Variants in CSMD1 observed in about 807,000 individuals in gnomAD.
The protein encoded by CSMD1 is CUB and Sushi multiple domains 1.
In CSMD1, 213 loss-of-function variants were observed where a neutral mutation model predicts 417.5. That is an observed-to-expected ratio of 0.51 (90% confidence interval 0.46 to 0.57). The LOEUF is 0.57. CSMD1 is among the 20% of genes least tolerant of loss of function. CSMD1 has a pLI of 0.00. For missense variants in CSMD1, 6,923 were observed against 4,529.7 expected (o/e 1.53, Z -15.17); for synonymous variants, 2,862 against 1,736.8 (o/e 1.65, Z -16.11).
At chr8:4,121,447 C>A (rs1802482710) in intron 3 of CSMD1, among the ~76,000 whole-genome samples, 1 of 152,144 alleles carries the variant, frequency 6.6e-6, no homozygotes, top group African/African-American at 2.4e-5. Flanking sequence ...CCACACCGGT[C>A]AAGGGCTTCT....
At chr8:4,766,398 C>G (rs1198180025) in intron 1 of CSMD1, among the ~76,000 whole-genome samples, 2 of 152,160 alleles carry the variant, frequency 1.3e-5, no homozygotes, top group Non-Finnish European at 2.9e-5. Context: ...AGAACATCGT[C>G]CAAAGCCGTG....
chr8:3,875,956 G>C (rs1371227206), intron 5 of CSMD1, among the ~76,000 whole-genome samples: 2 of 151,754 alleles, frequency 1.3e-5, no homozygotes, highest in African/African-American at 2.4e-5. Context: ...CAAATTTATG[G>C]AGTAACTGTA....
rs992913896 is a variant in CSMD1, at chr8:4,196,608, A to G, written c.416-164509T>C. Among the ~76,000 whole-genome samples, 16 of 152,248 alleles carry G rather than the reference A, an allele frequency of 1.1e-4. No individual in the cohort carries two copies. In the East Asian group the frequency reaches 1.9e-3, roughly 18 times the overall value. ...CTCTGGGGTCATAGCCTTCTTTGTG[A>G]ATCTTCAAGGCCAGCAATGCTGGGT... is the stretch of plus-strand genomic sequence containing the variant. On this transcript the variant is annotated intron_variant, in intron 3 of 69. Coordinates refer to ENST00000635120, the MANE Select transcript of CSMD1 (RefSeq NM_033225.6).
chr8:4,781,860 G>A (rs1047574229), intron 1 of CSMD1, among the ~76,000 whole-genome samples: 16 of 152,106 alleles, frequency 1.1e-4, no homozygotes, highest in Admixed American at 7.2e-4. Context: ...TTTACATATC[G>A]AGAGGGTCAG....
At chr8:4,430,626 CTCTTT>C (rs976170496) in intron 2 of CSMD1, among the ~76,000 whole-genome samples, 1 of 151,932 alleles carries the variant, frequency 6.6e-6, no homozygotes, top group Non-Finnish European at 1.5e-5. Context: ...TCAACTGATC[CTCTTT>C]TTTTTAATCA....
At chr8:3,182,577 G>GCT (rs1821406620) in intron 36 of CSMD1, among the ~76,000 whole-genome samples, 1 of 110,142 alleles carries the variant, frequency 9.1e-6, no homozygotes, top group Non-Finnish European at 1.8e-5. Context: ...TTTATAAGAA[G>GCT]CTGTGTGTGT....
intron 3 of CSMD1, among the ~76,000 whole-genome samples, chr8:4,303,508 G>C (rs4641088): frequency 0.77 from 109,539 of 142,314 alleles, 41,851 homozygotes; most frequent in East Asian, 0.86. Context: ...ACCATCTCTA[G>C]CACGTCTATA....
intron 6 of CSMD1, among the ~76,000 whole-genome samples, chr8:3,723,069 T>TA (rs1802279466): frequency 6.6e-6 from 1 of 152,152 alleles, no homozygotes; most frequent in African/African-American, 2.4e-5. Context: ...TTTCTTCTCT[T>TA]AGAGTCCTAA....
chr8:4,839,618 C>T (rs1866283), intron 1 of CSMD1, among the ~76,000 whole-genome samples: 72,684 of 151,932 alleles, frequency 0.48, 18,533 homozygotes, highest in East Asian at 0.7. Context: ...TAATACTTCA[C>T]TTAAGAAGAA....
Position 3,205,440 on chromosome 8 carries a change from T to C in CSMD1, c.4984+64A>G, listed in dbSNP as rs531455301. 14 of 833,890 alleles carry C rather than the reference T, an allele frequency of 1.7e-5. No homozygotes were observed. The African/African-American group carries it at 1.9e-4, about 11-fold the overall frequency. 51.7% of individuals were successfully genotyped at this position (833,890 alleles called of 1,614,324 possible). On this transcript the variant is annotated intron_variant, in intron 31 of 69. Coordinates refer to ENST00000635120, the MANE Select transcript of CSMD1 (RefSeq NM_033225.6). ...AGCTCTAGCATACTTGTTTATCAAA[T>C]GACAGAAAAATTAACACTGAAAGGA...
At chr8:3,799,405 C>A (rs1209825240) in intron 5 of CSMD1, among the ~76,000 whole-genome samples, 6 of 105,112 alleles carry the variant, frequency 5.7e-5, no homozygotes, top group African/African-American at 1.9e-4. Flanking sequence ...CCTCCCCCCA[C>A]CCCACGACAG....
chr8:4,031,035 A>G (rs1271758030), intron 4 of CSMD1, among the ~76,000 whole-genome samples: 1 of 152,152 alleles, frequency 6.6e-6, no homozygotes, highest in Non-Finnish European at 1.5e-5. Flanking sequence ...CATTGTCCAT[A>G]TCATCAGCAC....
chr8:4,058,716 G>C (rs1322316504), intron 3 of CSMD1, among the ~76,000 whole-genome samples: 2 of 135,984 alleles, frequency 1.5e-5, no homozygotes, highest in African/African-American at 5.4e-5. Flanking sequence ...TAATAGTAAA[G>C]GGATCAATTC....
At chr8:4,457,957 C>G (rs953489489) in intron 2 of CSMD1, among the ~76,000 whole-genome samples, 2 of 152,142 alleles carry the variant, frequency 1.3e-5, no homozygotes, top group East Asian at 3.9e-4. Flanking sequence ...GGCAGAAAAA[C>G]CCAGATGTAC....
chr8:3,720,128 CTT>C (rs1802067840), intron 6 of CSMD1, among the ~76,000 whole-genome samples: 1 of 152,202 alleles, frequency 6.6e-6, no homozygotes, highest in African/African-American at 2.4e-5. Flanking sequence ...TAATGCAACT[CTT>C]TATTCAGCTT....
Position 3,428,329 on chromosome 8 carries a change from C to T in CSMD1, c.1562-18724G>A, listed in dbSNP as rs150531176. Among the ~76,000 whole-genome samples the T allele has an allele frequency of 7.9e-4, 120 of 152,226 alleles. 3 individuals carry two copies. In the South Asian group the frequency reaches 0.011, roughly 13 times the overall value. On this transcript the variant is annotated intron_variant, in intron 12 of 69. Coordinates refer to ENST00000635120, the MANE Select transcript of CSMD1 (RefSeq NM_033225.6). Reference sequence around the variant, plus strand: ...CTTATTCAGAGACGAATGGCCAGGCCTCAAGAGAAGCATAACTCTTGCAGC... The same window carrying T: ...CTTATTCAGAGACGAATGGCCAGGCTTCAAGAGAAGCATAACTCTTGCAGC...
chr8:3,693,738 TATG>T (rs1660797146), intron 7 of CSMD1, among the ~76,000 whole-genome samples: 1 of 152,014 alleles, frequency 6.6e-6, no homozygotes, highest in Non-Finnish European at 1.5e-5. Flanking sequence ...TTATGCTTGT[TATG>T]GTGTGTGTGT....
chr8:3,086,734 C>G (rs2129005928), intron 49 of CSMD1, among the ~76,000 whole-genome samples: 1 of 152,098 alleles, frequency 6.6e-6, no homozygotes, highest in South Asian at 2.1e-4. Context: ...AGTTTTTAAA[C>G]TAAAATAAAG....
intron 36 of CSMD1, among the ~76,000 whole-genome samples, chr8:3,186,239 T>C (rs760657008): frequency 1.6e-4 from 25 of 152,346 alleles, no homozygotes; most frequent in Middle Eastern, 3.4e-3. Context: ...CAGTGTCTGA[T>C]ATCTAGCAGG....
Sources: allele counts gnomAD v4.1 joint callset (sites outside exome capture counted in the v4.1 genomes callset), GRCh38; gene constraint gnomAD v4.1.1; transcripts MANE v1.5; gene names NCBI Gene and HGNC (gene_info 2026-07-23, HGNC 2026-07-21).